Variants in CSMD1 observed in about 807,000 individuals in gnomAD.
CSMD1 encodes the protein CUB and sushi domain-containing protein 1.
CSMD1 carries 213 observed loss-of-function variants against 417.5 expected under a neutral mutation model. The observed-to-expected ratio is 0.51, with a 90% CI of 0.46 to 0.57. The LOEUF (loss-of-function observed/expected upper bound fraction) is 0.57, where lower values mean the gene tolerates loss of function less well. Ranked by LOEUF, CSMD1 falls within the 20% of genes least tolerant of loss-of-function variation. The pLI is 0.00. For missense variants in CSMD1, 6,923 were observed against 4,529.7 expected, an observed-to-expected ratio of 1.53 and a Z score of -15.17; for synonymous variants, 2,862 against 1,736.8, an observed-to-expected ratio of 1.65 and a Z score of -16.11.
intron 36 of CSMD1, among the ~76,000 whole-genome samples, chr8:3,181,839 G>C (rs1010984362): frequency 6.6e-6 from 1 of 152,164 alleles, no homozygotes; most frequent in Non-Finnish European, 1.5e-5. Flanking sequence ...GGGCAATACA[G>C]ATACCGAGGA....
chr8:4,640,592 C>T (rs959157774), intron 1 of CSMD1, among the ~76,000 whole-genome samples: 3 of 152,096 alleles, frequency 2.0e-5, no homozygotes, highest in Non-Finnish European at 4.4e-5. Flanking sequence ...TCTTTGTAAA[C>T]GATGTACATC....
At chr8:3,171,723 A>G (rs1209047334) in intron 37 of CSMD1, among the ~76,000 whole-genome samples, 1 of 152,252 alleles carries the variant, frequency 6.6e-6, no homozygotes, top group Non-Finnish European at 1.5e-5. Context: ...TAGAATAATC[A>G]TAATTTTCAA....
intron 1 of CSMD1, among the ~76,000 whole-genome samples, chr8:4,796,681 G>C (rs111326557): frequency 0.019 from 2,937 of 152,282 alleles, 108 homozygotes; most frequent in African/African-American, 0.067. Context: ...ACTCAACGTG[G>C]TGGACTCATC....
At chr8:3,758,693 G>T (rs973311828) in intron 5 of CSMD1, among the ~76,000 whole-genome samples, 17 of 152,200 alleles carry the variant, frequency 1.1e-4, no homozygotes, top group Admixed American at 6.5e-5. Context: ...CAACTGAATG[G>T]CTTTGTGGGA....
chr8:3,802,193 A>T (rs1800492611), intron 5 of CSMD1, among the ~76,000 whole-genome samples: 1 of 152,182 alleles, frequency 6.6e-6, no homozygotes. Flanking sequence ...GACATTAAAG[A>T]AGGGCTTATC....
Position 4,418,814 on chromosome 8 carries a change from G to A in CSMD1, c.415+1139C>T, listed in dbSNP as rs921663746. ...TTCCTTGATAGTAACGTACTTAAAG[G>A]TGATAGACCCTTTCCAGCCACTGAC... is the stretch of plus-strand genomic sequence containing the variant. On this transcript the variant is annotated intron_variant, in intron 3 of 69. Coordinates refer to ENST00000635120, the MANE Select transcript of CSMD1 (RefSeq NM_033225.6). Among the ~76,000 whole-genome samples, 20 of 152,234 alleles carry A rather than the reference G, an allele frequency of 1.3e-4. No homozygotes were observed. The East Asian group carries it at 3.3e-3, about 25-fold the overall frequency.
At chr8:4,508,143 G>A (rs1210223814) in intron 2 of CSMD1, among the ~76,000 whole-genome samples, 1 of 127,088 alleles carries the variant, frequency 7.9e-6, no homozygotes, top group Non-Finnish European at 1.6e-5. Flanking sequence ...GATGTAGGAG[G>A]CAGGGGAAGA....
chr8:4,383,148 T>G (rs1803214429), intron 3 of CSMD1, among the ~76,000 whole-genome samples: 1 of 152,202 alleles, frequency 6.6e-6, no homozygotes, highest in African/African-American at 2.4e-5. Context: ...GATGATTTGT[T>G]TCAAAATTTC....
rs77086824 is a variant in CSMD1, at chr8:4,445,220, T to C, written c.303-25155A>G. Among the ~76,000 whole-genome samples, 313 of 151,822 alleles carry C rather than the reference T, an allele frequency of 2.1e-3. 5 individuals are homozygous for C. The East Asian group carries it at 0.032, about 16-fold the overall frequency. On this transcript the variant is annotated intron_variant, in intron 2 of 69. Transcript: ENST00000635120. ...ATCCTGGTTAAGACTACTTTCTTCA[T>C]TGTTTGACCATTATTTTTCTCTTGT...
intron 5 of CSMD1, among the ~76,000 whole-genome samples, chr8:3,903,878 A>AT (rs145339644): frequency 1.6e-3 from 233 of 149,806 alleles, no homozygotes; most frequent in African/African-American, 4.8e-3. Context: ...CCATATATAT[A>AT]TATTTTTTTA....
intron 2 of CSMD1, among the ~76,000 whole-genome samples, chr8:4,591,744 G>A (rs954886851): frequency 6.6e-6 from 1 of 152,158 alleles, no homozygotes; most frequent in Non-Finnish European, 1.5e-5. Flanking sequence ...AGTGAAGTGA[G>A]GGGATAGGAT....
intron 7 of CSMD1, among the ~76,000 whole-genome samples, chr8:3,647,108 T>C (rs749370321): frequency 3.3e-5 from 5 of 152,030 alleles, no homozygotes; most frequent in Non-Finnish European, 7.4e-5. Context: ...GCAATGAAAA[T>C]CCCAGGAAGG....
intron 7 of CSMD1, among the ~76,000 whole-genome samples, chr8:3,687,126 C>T (rs1287900786): frequency 6.6e-6 from 1 of 152,202 alleles, no homozygotes; most frequent in Non-Finnish European, 1.5e-5. Flanking sequence ...TAATTTAAAA[C>T]CAGAAATACA....
intron 7 of CSMD1, among the ~76,000 whole-genome samples, chr8:3,690,272 G>A (rs992229841): frequency 2.0e-5 from 3 of 152,174 alleles, no homozygotes; most frequent in African/African-American, 7.2e-5. Context: ...TGAGTCAGAA[G>A]GATCGTTTGA....
At chr8:4,187,554 GAATCGCCTGAACCCAGGAGGCTAAT>G (rs1798756561) in intron 3 of CSMD1, among the ~76,000 whole-genome samples, 1 of 151,644 alleles carries the variant, frequency 6.6e-6, no homozygotes, top group Non-Finnish European at 1.5e-5. Flanking sequence ...TCAGGTAGGA[GAATCGCCTGAACCCAGGAGGCTAAT>G]GTAGGAGAAT....
intron 25 of CSMD1, among the ~76,000 whole-genome samples, chr8:3,303,044 T>C (rs1804539283): frequency 1.3e-5 from 2 of 152,196 alleles, no homozygotes; most frequent in East Asian, 1.9e-4. Flanking sequence ...CTATAACTCT[T>C]TTACTTCATG....
intron 5 of CSMD1, among the ~76,000 whole-genome samples, chr8:3,981,571 T>G (rs1325623383): frequency 6.8e-6 from 1 of 147,902 alleles, no homozygotes; most frequent in African/African-American, 2.5e-5. Flanking sequence ...CCGTGTTCCA[T>G]CACATCACTC....
intron 2 of CSMD1, among the ~76,000 whole-genome samples, chr8:4,459,893 A>G (rs1029212885): frequency 2.0e-5 from 3 of 152,194 alleles, no homozygotes; most frequent in East Asian, 1.9e-4. Context: ...GAACCTGACA[A>G]AATTGCATGC....
intron 1 of CSMD1, among the ~76,000 whole-genome samples, chr8:4,776,225 G>C (rs1437080604): frequency 6.6e-6 from 1 of 152,064 alleles, no homozygotes; most frequent in Admixed American, 6.6e-5. Flanking sequence ...TTTTCACAAA[G>C]GCCTAAATAT....
Sources: gnomAD v4.1 joint callset for allele counts (sites outside exome capture counted in the v4.1 genomes callset) on GRCh38, gnomAD v4.1.1 for gene constraint, MANE v1.5 for transcripts, NCBI Gene and HGNC (gene_info 2026-07-23, HGNC 2026-07-21) for gene names.